The following GDAP1 variants were observed in gnomAD, a reference collection of about 807,000 sequenced individuals.
GDAP1 encodes ganglioside induced differentiation associated protein 1.
A neutral mutation model predicts 40.1 loss-of-function variants in GDAP1; 34 were observed. The ratio of observed to expected loss-of-function variants is 0.85; its 90% CI spans 0.64 to 1.13. The LOEUF is 1.13. GDAP1 is among the 50% of genes most tolerant of loss of function. The probability of loss-of-function intolerance (pLI) is 0.00; values close to 1 mark genes in which losing one functional copy is unlikely to be tolerated. For missense variants in GDAP1, 374 were observed against 433.7 expected (o/e 0.86, Z 1.22); for synonymous variants, 170 against 157.4 (o/e 1.08, Z -0.60).
At chr8:74,439,338 A>T (rs1168778635) in intron 2 of GDAP1, among the ~76,000 whole-genome samples, 2 of 152,076 alleles carry the variant, frequency 1.3e-5, no homozygotes, top group Non-Finnish European at 2.9e-5. Context: ...TGGAAGACCA[A>T]TTAATTTAGC....
At chr8:74,374,151 C>T (rs529746454) in intron 2 of GDAP1, among the ~76,000 whole-genome samples, 34 of 152,216 alleles carry the variant, frequency 2.2e-4, no homozygotes, top group African/African-American at 7.5e-4. Context: ...CTGCTGAATT[C>T]GGTTTGCCAG....
intron 2 of GDAP1, among the ~76,000 whole-genome samples, chr8:74,438,143 G>A (rs762020385): frequency 3.9e-5 from 6 of 152,124 alleles, no homozygotes; most frequent in Admixed American, 6.5e-5. Context: ...GGTGGCGCGC[G>A]CCTGTAGTCT....
intron 2 of GDAP1, among the ~76,000 whole-genome samples, chr8:74,373,092 G>A (rs1809783405): frequency 6.6e-6 from 1 of 152,078 alleles, no homozygotes; most frequent in Non-Finnish European, 1.5e-5. Flanking sequence ...TATTTCTGAG[G>A]GCTCTGTTCT....
rs199612265 is a variant in GDAP1, at chr8:74,350,482, G to A, written c.21G>A (p.Glu7=). The change falls in exon 1 of 6, where the codon GAG becomes GAA. Residue 7 remains glutamate (E), a synonymous_variant. Transcript: ENST00000220822. MAERQE[E]QRGSPPLRAE... ...CCAAGATGGCTGAGAGGCAGGAAGA[G>A]CAGAGAGGGAGCCCGCCCTTGAGGG... The A allele has an allele frequency of 2.1e-5, 34 of 1,612,266 alleles. No homozygotes were observed. In the East Asian group the frequency reaches 6.5e-4, roughly 31 times the overall value.
At chr8:74,457,992 A>T (rs891008739) in intron 2 of GDAP1, among the ~76,000 whole-genome samples, 15 of 152,130 alleles carry the variant, frequency 9.9e-5, no homozygotes, top group Admixed American at 5.9e-4. Context: ...TCTTCAAATG[A>T]TAACATCCAT....
intron 2 of GDAP1, among the ~76,000 whole-genome samples, chr8:74,433,504 T>C (rs1310148319): frequency 6.6e-6 from 1 of 152,234 alleles, no homozygotes; most frequent in Non-Finnish European, 1.5e-5. Flanking sequence ...CATTATCAAG[T>C]ATCTTACTTT....
At chr8:74,438,629 G>A (rs1363053255) in intron 2 of GDAP1, among the ~76,000 whole-genome samples, 1 of 152,012 alleles carries the variant, frequency 6.6e-6, no homozygotes, top group Non-Finnish European at 1.5e-5. Context: ...TTTAGAGATG[G>A]GATCTCTGTC....
At position 74,479,908 on chromosome 8, in the gene GDAP1, T is replaced by A. The variant is rs373768259; in HGVS notation, c.166-8770T>A. Among the ~76,000 whole-genome samples the A allele has an allele frequency of 1.2e-4, 18 of 152,098 alleles. No homozygotes were observed. The East Asian group carries it at 2.7e-3, about 23-fold the overall frequency. On this transcript the variant is annotated intron_variant, in intron 2 of 2. Transcript: ENST00000523640. Reference sequence around the variant, plus strand: ...GAACTCACAATGTCACTTCTATTGCTCTCTATTGGCTAGAGGAATTAGCTA... The same window carrying A: ...GAACTCACAATGTCACTTCTATTGCACTCTATTGGCTAGAGGAATTAGCTA...
At chr8:74,473,906 A>G (rs983760817) in intron 2 of GDAP1, among the ~76,000 whole-genome samples, 3 of 152,212 alleles carry the variant, frequency 2.0e-5, no homozygotes, top group Non-Finnish European at 4.4e-5. Flanking sequence ...CAGCATAACC[A>G]TTTTAATAAT....
intron 2 of GDAP1, among the ~76,000 whole-genome samples, chr8:74,471,246 G>A (rs1456769618): frequency 6.6e-6 from 1 of 152,018 alleles, no homozygotes; most frequent in Non-Finnish European, 1.5e-5. Flanking sequence ...AAGCTCTTTA[G>A]TTTAATTAGA....
chr8:74,403,144 T>C (rs1262077365), intron 2 of GDAP1, among the ~76,000 whole-genome samples: 2 of 150,146 alleles, frequency 1.3e-5, no homozygotes, highest in Non-Finnish European at 2.9e-5. Flanking sequence ...AGAGTCATTC[T>C]CTGGGTGTAT....
intron 2 of GDAP1, among the ~76,000 whole-genome samples, chr8:74,473,939 C>G (rs138621772): frequency 5.9e-4 from 90 of 152,306 alleles, no homozygotes; most frequent in African/African-American, 2.1e-3. Flanking sequence ...TATCCATGCA[C>G]ATGGAATATT....
rs138861698 is a variant in GDAP1 at position 74,396,055 on chromosome 8, T to C, written c.165+44734T>C. Among the ~76,000 whole-genome samples, 703 of 152,256 alleles carry C rather than the reference T, an allele frequency of 4.6e-3. 3 individuals are homozygous for C. The highest frequency in any genetic ancestry group is 0.015 in the African/African-American group (633 of 41,548). ...AGAAACATTTTTTCCCATATATATG[T>C]ACACAAATTCCTTACTGTGTATCAC... On this transcript the variant is annotated intron_variant, in intron 2 of 2. Coordinates refer to the GDAP1 transcript ENST00000523640.
At chr8:74,422,411 C>G (rs909599822) in intron 2 of GDAP1, among the ~76,000 whole-genome samples, 2 of 133,150 alleles carry the variant, frequency 1.5e-5, no homozygotes, top group Non-Finnish European at 1.6e-5. Flanking sequence ...CTCTCTCTCT[C>G]TCTTCGTTTT....
intron 2 of GDAP1, among the ~76,000 whole-genome samples, chr8:74,399,916 A>T (rs967310557): frequency 6.2e-5 from 9 of 144,370 alleles, no homozygotes; most frequent in African/African-American, 2.0e-4. Context: ...TCTGAGAGAC[A>T]GTTTGTTATA....
intron 2 of GDAP1, among the ~76,000 whole-genome samples, chr8:74,473,013 A>C (rs758847092): frequency 2.8e-4 from 42 of 151,864 alleles, no homozygotes; most frequent in Non-Finnish European, 4.9e-4. Flanking sequence ...GGCTCCCAAA[A>C]TGTTGGGATT....
At chr8:74,437,126 C>G (rs997369551) in intron 2 of GDAP1, among the ~76,000 whole-genome samples, 6 of 152,162 alleles carry the variant, frequency 3.9e-5, no homozygotes, top group Non-Finnish European at 1.5e-5. Flanking sequence ...CCAAATTATA[C>G]GTTCATGCCT....
chr8:74,356,716 A>ATATTTT (rs375377157), intron 2 of GDAP1, among the ~76,000 whole-genome samples: 122 of 104,324 alleles, frequency 1.2e-3, no homozygotes, highest in South Asian at 1.5e-3. Context: ...ATATATATAT[A>ATATTTT]TTTTTTTTTT....
chr8:74,416,082 G>A (rs984382046), intron 2 of GDAP1, among the ~76,000 whole-genome samples: 2 of 149,700 alleles, frequency 1.3e-5, no homozygotes, highest in South Asian at 2.1e-4. Context: ...TGCTGCTAGC[G>A]GAGCACTGTG....
Sources: gnomAD v4.1 joint callset for allele counts (sites outside exome capture counted in the v4.1 genomes callset) on GRCh38, gnomAD v4.1.1 for gene constraint, MANE v1.5 for transcripts, NCBI Gene and HGNC (gene_info 2026-07-23, HGNC 2026-07-21) for gene names.